Variants in CCDC85A observed in about 807,000 individuals in gnomAD.
CCDC85A encodes coiled-coil domain containing 85A.
Under a neutral mutation model 50.2 loss-of-function variants are expected in CCDC85A, and 38 were observed. That is an observed-to-expected ratio of 0.76 (90% CI 0.58 to 0.99). The LOEUF (loss-of-function observed/expected upper bound fraction) is 0.99, where lower values mean the gene tolerates loss of function less well. CCDC85A is among the 50% of genes least tolerant of loss of function. The pLI is 0.00. For missense variants in CCDC85A, 820 were observed against 742.0 expected (o/e 1.11, Z -1.22); for synonymous variants, 366 against 301.4 (o/e 1.21, Z -2.22).
chr2:56,360,962 A>G (rs760458651), intron 3 of CCDC85A, among the ~76,000 whole-genome samples: 13 of 152,260 alleles, frequency 8.5e-5, no homozygotes, highest in Non-Finnish European at 1.8e-4. Flanking sequence ...CCTTAAAAAT[A>G]GGGAGTAGAG....
chr2:56,358,290 G>A (rs1573333944), intron 3 of CCDC85A, among the ~76,000 whole-genome samples: 1 of 152,160 alleles, frequency 6.6e-6, no homozygotes, highest in Non-Finnish European at 1.5e-5. Flanking sequence ...CTTTAATAAT[G>A]TTTTATCCAG....
chr2:56,251,304 T>G (rs1178875745), intron 2 of CCDC85A, among the ~76,000 whole-genome samples: 2 of 152,218 alleles, frequency 1.3e-5, no homozygotes, highest in Non-Finnish European at 2.9e-5. Flanking sequence ...TTAGTGAATA[T>G]TTGTTGAACA....
At chr2:56,300,620 G>C (rs185498305) in intron 2 of CCDC85A, among the ~76,000 whole-genome samples, 65 of 152,314 alleles carry the variant, frequency 4.3e-4, no homozygotes, top group African/African-American at 1.5e-3. Context: ...GCTGCTGCCT[G>C]ACTTTCAAGA....
Position 56,312,090 on chromosome 2 carries a change from G to T in CCDC85A, c.1241-30789G>T, listed in dbSNP as rs114880004. On this transcript the variant is annotated intron_variant, in intron 2 of 5. Transcript: ENST00000407595. ...GGCATCTGCTTTTCTATCTTTGAAT[G>T]AAGCGAAGGATAAGAAAAAATGATT... Among the ~76,000 whole-genome samples, 393 of 152,256 alleles carry T rather than the reference G, an allele frequency of 2.6e-3. 1 individual carries two copies. The highest frequency in any genetic ancestry group is 0.024 in the Middle Eastern group (7 of 294).
intron 2 of CCDC85A, among the ~76,000 whole-genome samples, chr2:56,296,468 C>G (rs1671953597): frequency 6.6e-6 from 1 of 152,180 alleles, no homozygotes; most frequent in South Asian, 2.1e-4. Context: ...AAGGAGCAGG[C>G]AGCTGAACCG....
intron 2 of CCDC85A, among the ~76,000 whole-genome samples, chr2:56,274,674 A>C (rs1464114760): frequency 6.6e-6 from 1 of 152,208 alleles, no homozygotes; most frequent in African/African-American, 2.4e-5. Context: ...ATGACCGGGC[A>C]CCGTAGTCTA....
At chr2:56,254,213 G>A (rs373417317) in intron 2 of CCDC85A, among the ~76,000 whole-genome samples, 26 of 152,082 alleles carry the variant, frequency 1.7e-4, no homozygotes, top group African/African-American at 5.3e-4. Context: ...TTTGATGAAT[G>A]TGAAAAAATT....
chr2:56,251,051 C>G (rs1669730899), intron 2 of CCDC85A, among the ~76,000 whole-genome samples: 1 of 152,118 alleles, frequency 6.6e-6, no homozygotes, highest in Non-Finnish European at 1.5e-5. Flanking sequence ...TCTGGTCTGA[C>G]ACTTTATTAC....
chr2:56,322,998 T>C (rs2104267857), intron 2 of CCDC85A, among the ~76,000 whole-genome samples: 1 of 152,134 alleles, frequency 6.6e-6, no homozygotes, highest in African/African-American at 2.4e-5. Flanking sequence ...TTTATACGGA[T>C]ATGGATGAAA....
chr2:56,359,854 G>T (rs927462273), intron 3 of CCDC85A, among the ~76,000 whole-genome samples: 3 of 152,214 alleles, frequency 2.0e-5, no homozygotes, highest in African/African-American at 7.2e-5. Context: ...TAAAGGAAAG[G>T]TGAAGGTGTT....
chr2:56,361,016 A>G (rs933391305), intron 3 of CCDC85A, among the ~76,000 whole-genome samples: 2 of 152,078 alleles, frequency 1.3e-5, no homozygotes, highest in Non-Finnish European at 2.9e-5. Flanking sequence ...CACTTTGGGA[A>G]GCCAAGGCGG....
intron 2 of CCDC85A, among the ~76,000 whole-genome samples, chr2:56,323,085 A>G (rs540547631): frequency 1.3e-5 from 2 of 152,232 alleles, no homozygotes; most frequent in Admixed American, 1.3e-4. Flanking sequence ...ATAGGTGGGA[A>G]TCGAACAATG....
intron 2 of CCDC85A, among the ~76,000 whole-genome samples, chr2:56,308,273 C>T (rs531993497): frequency 3.9e-5 from 6 of 152,310 alleles, no homozygotes; most frequent in African/African-American, 1.4e-4. Flanking sequence ...ATAGAGACAA[C>T]TCCTCCCTTC....
chr2:56,259,262 G>A (rs1261085959), intron 2 of CCDC85A, among the ~76,000 whole-genome samples: 1 of 152,150 alleles, frequency 6.6e-6, no homozygotes, highest in African/African-American at 2.4e-5. Flanking sequence ...CATATGCATT[G>A]ATTGCCTCAC....
intron 4 of CCDC85A, among the ~76,000 whole-genome samples, chr2:56,375,128 C>G (rs1225345997): frequency 6.6e-6 from 1 of 152,140 alleles, no homozygotes; most frequent in Admixed American, 6.5e-5. Flanking sequence ...AAGTACAGAT[C>G]CTTAGGGGAA....
Position 56,226,955 on chromosome 2 carries a change from A to G in CCDC85A, c.1240+33515A>G, listed in dbSNP as rs186064757. Among the ~76,000 whole-genome samples, 485 of 152,294 alleles carry G rather than the reference A, an allele frequency of 3.2e-3. 3 individuals carry two copies. Among genetic ancestry groups the G allele is most frequent in the African/African-American group, 0.011 (459 of 41,562 alleles). ...AGGGGATGCATCCTGAGTAATTTCA[A>G]TAGGCAAATTTTAGCACCTTTTATT... is the stretch of plus-strand genomic sequence containing the variant. On this transcript the variant is annotated intron_variant, in intron 2 of 5. Coordinates refer to ENST00000407595, the MANE Select transcript of CCDC85A (RefSeq NM_001080433.2).
chr2:56,268,371 TG>T (rs1172505521), intron 2 of CCDC85A, among the ~76,000 whole-genome samples: 1 of 152,048 alleles, frequency 6.6e-6, no homozygotes, highest in Non-Finnish European at 1.5e-5. Context: ...GCCAGCACTT[TG>T]GGCTGACGTC....
intron 3 of CCDC85A, among the ~76,000 whole-genome samples, chr2:56,344,898 C>T (rs2104328782): frequency 6.6e-6 from 1 of 150,620 alleles, no homozygotes; most frequent in Admixed American, 6.6e-5. Context: ...TGACATCAAA[C>T]AGCAAACTAA....
At chr2:56,339,400 T>A (rs1674244983) in intron 2 of CCDC85A, among the ~76,000 whole-genome samples, 1 of 152,196 alleles carries the variant, frequency 6.6e-6, no homozygotes, top group African/African-American at 2.4e-5. Context: ...AATTTACCCC[T>A]TTTTTCCTGA....
Sources: allele counts gnomAD v4.1 joint callset (sites outside exome capture counted in the v4.1 genomes callset), GRCh38; gene constraint gnomAD v4.1.1; transcripts MANE v1.5; gene names NCBI Gene and HGNC (gene_info 2026-07-23, HGNC 2026-07-21).